Variants in PBX1 observed in about 807,000 individuals in gnomAD.
PBX1 encodes the protein PBX homeobox 1.
PBX1 carries 6 observed loss-of-function variants against 53.4 expected under a neutral mutation model. That is an observed-to-expected ratio of 0.11 (90% confidence interval 0.06 to 0.22). The LOEUF (loss-of-function observed/expected upper bound fraction) is 0.22. Among genes scored for constraint, PBX1 ranks in the 10% least tolerant of loss-of-function variants. The pLI is 1.00. For missense variants in PBX1, 251 were observed against 551.4 expected (o/e 0.46, Z 5.46); for synonymous variants, 204 against 212.3 (o/e 0.96, Z 0.34).
At chr1:164,663,137 C>T (rs1571173819) in intron 2 of PBX1, among the ~76,000 whole-genome samples, 1 of 152,026 alleles carries the variant, frequency 6.6e-6, no homozygotes. Context: ...AGCGTGCCTA[C>T]CTTTCTGCCT....
intron 8 of PBX1, among the ~76,000 whole-genome samples, chr1:164,841,722 G>T (rs953941582): frequency 6.6e-6 from 1 of 152,120 alleles, no homozygotes; most frequent in African/African-American, 2.4e-5. Context: ...TGTGACCTCT[G>T]CTGTGTGAGC....
At chr1:164,658,002 G>A (rs1660261633) in intron 2 of PBX1, among the ~76,000 whole-genome samples, 1 of 152,128 alleles carries the variant, frequency 6.6e-6, no homozygotes. Context: ...GTGGGCATTC[G>A]TGTCCCACTG....
intron 2 of PBX1, among the ~76,000 whole-genome samples, chr1:164,741,741 T>TGA (rs1404309860): frequency 1.5e-5 from 2 of 134,838 alleles, no homozygotes; most frequent in East Asian, 2.2e-4. Flanking sequence ...TATGAGTGAG[T>TGA]GTGTGTGTGT....
At position 164,846,825 on chromosome 1, in the gene PBX1, G is replaced by T; in HGVS notation, c.*149G>T. Reference sequence around the variant, plus strand: ...GAGTCTCCTTCTCTTCTCTTCTTTGGGATGCTATTTCAGCCAATCTGGACA... The same window carrying T: ...GAGTCTCCTTCTCTTCTCTTCTTTGTGATGCTATTTCAGCCAATCTGGACA... On this transcript the variant is annotated 3_prime_UTR_variant, in exon 9 of 9. Transcript: ENST00000420696. 1 of 1,484,664 alleles carries T rather than the reference G, an allele frequency of 6.7e-7. No individual in the cohort carries two copies. Among genetic ancestry groups the T allele is most frequent in the South Asian group, 1.3e-5 (1 of 74,552 alleles). The allele number at this position is 1,484,664 out of a possible 1,614,324, so 92.0% of individuals were successfully genotyped here. A position where few individuals can be genotyped will look rare whatever the true frequency, so the allele number is the denominator to read the frequency against.
intron 2 of PBX1, among the ~76,000 whole-genome samples, chr1:164,753,588 A>T (rs963283550): frequency 6.6e-6 from 1 of 152,244 alleles, no homozygotes; most frequent in African/African-American, 2.4e-5. Context: ...TTGCAAGACC[A>T]CACTTGACTT....
At chr1:164,659,368 G>A (rs1474894100) in intron 2 of PBX1, among the ~76,000 whole-genome samples, 6 of 152,142 alleles carry the variant, frequency 3.9e-5, no homozygotes, top group Non-Finnish European at 8.8e-5. Flanking sequence ...CCTGGAAAAG[G>A]CATTTTTCTG....
At chr1:164,675,027 T>TA (rs1046995725) in intron 2 of PBX1, among the ~76,000 whole-genome samples, 3 of 152,230 alleles carry the variant, frequency 2.0e-5, no homozygotes, top group African/African-American at 7.2e-5. Flanking sequence ...GCAAGGGAAA[T>TA]ATGATTAACC....
At chr1:164,798,269 C>T (rs1426364969) in intron 3 of PBX1, among the ~76,000 whole-genome samples, 3 of 152,194 alleles carry the variant, frequency 2.0e-5, no homozygotes, top group Non-Finnish European at 2.9e-5. Context: ...CATATGACAA[C>T]GGCAATGCAA....
intron 3 of PBX1, among the ~76,000 whole-genome samples, chr1:164,793,304 G>T (rs1010144504): frequency 1.2e-4 from 18 of 152,138 alleles, no homozygotes; most frequent in African/African-American, 4.1e-4. Context: ...ATATGGTATG[G>T]AATATGACAC....
At chr1:164,751,581 CTTTTT>C (rs1231289371) in intron 2 of PBX1, among the ~76,000 whole-genome samples, 1 of 138,024 alleles carries the variant, frequency 7.2e-6, no homozygotes, top group Non-Finnish European at 1.6e-5. Flanking sequence ...TATTGCCCCC[CTTTTT>C]TTTTTTTTTT....
intron 5 of PBX1, among the ~76,000 whole-genome samples, chr1:164,811,723 T>C (rs2102345037): frequency 6.6e-6 from 1 of 152,360 alleles, no homozygotes; most frequent in African/African-American, 2.4e-5. Flanking sequence ...AAAAGGGTTC[T>C]AGCTTAAATG....
chr1:164,713,560 C>T (rs1663920022), intron 2 of PBX1, among the ~76,000 whole-genome samples: 1 of 152,152 alleles, frequency 6.6e-6, no homozygotes, highest in Non-Finnish European at 1.5e-5. Flanking sequence ...CTCCCCCTTC[C>T]TTCCATCCTC....
chr1:164,712,052 C>T (rs1663819776), intron 2 of PBX1, among the ~76,000 whole-genome samples: 1 of 150,372 alleles, frequency 6.7e-6, no homozygotes, highest in South Asian at 2.2e-4. Flanking sequence ...AGAAGGGTCC[C>T]ATCTGCCTTG....
intron 2 of PBX1, among the ~76,000 whole-genome samples, chr1:164,719,226 C>T (rs1181218611): frequency 6.6e-6 from 1 of 152,186 alleles, no homozygotes; most frequent in Non-Finnish European, 1.5e-5. Context: ...TTCTATCACT[C>T]TCCTTCAGGT....
rs937251977 is a variant in PBX1, at chr1:164,606,646, T to C, written c.265+43335T>C. 6.6e-5 allele frequency among the ~76,000 whole-genome samples: 10 copies of C among 152,344 alleles called. No individual in the cohort carries two copies. In the East Asian group the frequency reaches 1.9e-3, roughly 29 times the overall value. ...GTCGTATTTGCTTATTGTCTCTCTT[T>C]CCTGCTGGAACATAAGCTCCATGAT... On this transcript the variant is annotated intron_variant, in intron 2 of 8. Coordinates refer to ENST00000420696, the MANE Select transcript of PBX1 (RefSeq NM_002585.4).
chr1:164,762,341 C>T (rs960502853), intron 2 of PBX1, among the ~76,000 whole-genome samples: 1 of 152,192 alleles, frequency 6.6e-6, no homozygotes, highest in Non-Finnish European at 1.5e-5. Context: ...CTGTTCTTTT[C>T]CGATGCAATT....
At chr1:164,561,675 CTCT>C (rs1353068364) in intron 1 of PBX1, among the ~76,000 whole-genome samples, 3 of 152,146 alleles carry the variant, frequency 2.0e-5, no homozygotes, top group Non-Finnish European at 2.9e-5. Context: ...TGTTCAGTCT[CTCT>C]TCTTTTGTGA....
intron 2 of PBX1, among the ~76,000 whole-genome samples, chr1:164,701,058 A>G (rs1663090604): frequency 6.6e-6 from 1 of 152,228 alleles, no homozygotes; most frequent in South Asian, 2.1e-4. Context: ...TTCTGTTAGT[A>G]ATGAAACAAT....
chr1:164,603,929 A>ATTTCATTTTTTTTTT (rs1656369037), intron 2 of PBX1, among the ~76,000 whole-genome samples: 6 of 75,742 alleles, frequency 7.9e-5, no homozygotes, highest in African/African-American at 3.1e-4. Context: ...ATGTCATTTC[A>ATTTCATTTTTTTTTT]TTTTTTTTTT....
Sources: gnomAD v4.1 joint callset for allele counts (sites outside exome capture counted in the v4.1 genomes callset) on GRCh38, gnomAD v4.1.1 for gene constraint, MANE v1.5 for transcripts, NCBI Gene and HGNC (gene_info 2026-07-23, HGNC 2026-07-21) for gene names.